MAP4K3: variants seen among roughly 807,000 people sequenced by gnomAD.
The protein encoded by MAP4K3 is MAPK/ERK kinase kinase kinase 3.
Under a neutral mutation model 143.5 loss-of-function variants are expected in MAP4K3, and 94 were observed. That is an observed-to-expected ratio of 0.65 (90% confidence interval 0.55 to 0.78). The LOEUF (loss-of-function observed/expected upper bound fraction) is 0.78. Ranked by LOEUF, MAP4K3 falls within the 30% of genes least tolerant of loss-of-function variation. MAP4K3 has a pLI of 0.00. For synonymous variants in MAP4K3, 416 were observed against 347.2 expected (o/e 1.20, Z -2.20); for missense variants, 1,077 against 1,068.1 (o/e 1.01, Z -0.12).
chr2:39,343,507 G>T, intron 3 of MAP4K3, 55 bp from the exon 4 acceptor site: 2 of 1,407,226 alleles, frequency 1.4e-6, no homozygotes, highest in Non-Finnish European at 2.0e-6. Context: ...CTGTCTGTGT[G>T]AGGTAACAAG....
chr2:39,291,606 C>A (rs561649624), intron 18 of MAP4K3, among the ~76,000 whole-genome samples: 290 of 152,296 alleles, frequency 1.9e-3, no homozygotes, highest in African/African-American at 6.6e-3. Context: ...CAGAAAGAGG[C>A]TGGTCACAGT....
intron 32 of MAP4K3, among the ~76,000 whole-genome samples, chr2:39,252,547 T>C (rs963997649): frequency 3.3e-5 from 5 of 152,142 alleles, no homozygotes; most frequent in African/African-American, 1.2e-4. Context: ...CATATATCCT[T>C]CAAGAAGTCC....
At chr2:39,408,685 C>T (rs950392977) in intron 1 of MAP4K3, among the ~76,000 whole-genome samples, 1 of 148,920 alleles carries the variant, frequency 6.7e-6, no homozygotes, top group Non-Finnish European at 1.5e-5. Context: ...TGAAGGGTTT[C>T]GAGATATGGA....
At chr2:39,265,978 C>T (rs562926511) in intron 27 of MAP4K3, among the ~76,000 whole-genome samples, 1 of 152,078 alleles carries the variant, frequency 6.6e-6, no homozygotes, top group African/African-American at 2.4e-5. Flanking sequence ...AGGGGAACAG[C>T]AGTAAAGTTC....
At chr2:39,297,277 C>T (rs1682320958) in intron 16 of MAP4K3, among the ~76,000 whole-genome samples, 1 of 151,992 alleles carries the variant, frequency 6.6e-6, no homozygotes, top group African/African-American at 2.4e-5. Flanking sequence ...GCCACCATGT[C>T]CAGCTAATTT....
chr2:39,359,936 G>A (rs959495751), intron 2 of MAP4K3, among the ~76,000 whole-genome samples: 3 of 152,238 alleles, frequency 2.0e-5, no homozygotes, highest in African/African-American at 7.2e-5. Flanking sequence ...GGGAGGGGTT[G>A]CTGCAAAAGT....
intron 24 of MAP4K3, 145 bp downstream of exon 24, chr2:39,278,262 G>C: frequency 1.9e-6 from 1 of 524,442 alleles, no homozygotes; most frequent in Non-Finnish European, 3.4e-6. Context: ...ACAAGAGTGA[G>C]ACTTGGTCTC....
intron 3 of MAP4K3, among the ~76,000 whole-genome samples, chr2:39,355,961 G>A (rs1394947629): frequency 6.6e-6 from 1 of 152,206 alleles, no homozygotes; most frequent in East Asian, 1.9e-4. Flanking sequence ...AGGGGCAAGA[G>A]AATGGCATAT....
intron 22 of MAP4K3, 70 bp from the exon 23 acceptor site, chr2:39,280,426 A>G: frequency 1.2e-6 from 1 of 841,004 alleles, no homozygotes; most frequent in South Asian, 1.9e-5. Flanking sequence ...AAATGTAACT[A>G]TTATCTATTT....
intron 1 of MAP4K3, among the ~76,000 whole-genome samples, chr2:39,402,643 A>G (rs1041059933): frequency 2.6e-5 from 4 of 152,110 alleles, no homozygotes; most frequent in Non-Finnish European, 5.9e-5. Flanking sequence ...AGAAAATAAG[A>G]TCAGAGTGTA....
intron 1 of MAP4K3, 168 bp downstream of exon 1, chr2:39,436,724 G>A (rs1665495706): frequency 3.3e-6 from 2 of 613,392 alleles, no homozygotes; most frequent in Non-Finnish European, 5.8e-6. Context: ...TAAACATTCG[G>A]CCCTTTGTTC....
intron 1 of MAP4K3, among the ~76,000 whole-genome samples, chr2:39,391,852 C>A (rs1035642386): frequency 6.6e-6 from 1 of 151,944 alleles, no homozygotes; most frequent in Non-Finnish European, 1.5e-5. Context: ...CTCGTAATCT[C>A]GCTGGTACAA....
At chr2:39,395,531 T>C (rs1179432495) in intron 1 of MAP4K3, among the ~76,000 whole-genome samples, 1 of 152,196 alleles carries the variant, frequency 6.6e-6, no homozygotes, top group Non-Finnish European at 1.5e-5. Flanking sequence ...AACTATCAGC[T>C]CCCTTTCTCA....
At chr2:39,364,205 T>C (rs1181689986) in intron 2 of MAP4K3, among the ~76,000 whole-genome samples, 1 of 152,108 alleles carries the variant, frequency 6.6e-6, no homozygotes, top group African/African-American at 2.4e-5. Context: ...CAAAGAGACA[T>C]TTGCACTCCA....
chr2:39,250,494 C>T lies in MAP4K3; in HGVS notation c.*124G>A. ...AAATTTTCCCCATCTTATCTCATGCCACAATAAATTACAAAGTAACTGAAG... is the reference window on the plus strand; with the variant it reads ...AAATTTTCCCCATCTTATCTCATGCTACAATAAATTACAAAGTAACTGAAG... On this transcript the variant is annotated 3_prime_UTR_variant, in exon 34 of 34. Coordinates refer to ENST00000263881, the MANE Select transcript of MAP4K3 (RefSeq NM_003618.4). 4.4e-6 allele frequency: 4 copies of T among 903,208 alleles called. No individual in the cohort carries two copies. The highest frequency in any genetic ancestry group is 6.6e-6 in the Non-Finnish European group (4 of 610,052). 55.9% of individuals were successfully genotyped at this position (903,208 alleles called of 1,614,324 possible).
intron 22 of MAP4K3, among the ~76,000 whole-genome samples, chr2:39,282,003 G>C (rs1681553872): frequency 6.6e-6 from 1 of 151,936 alleles, no homozygotes; most frequent in Non-Finnish European, 1.5e-5. Context: ...AGACCAGCCT[G>C]GCCAATATGG....
intron 1 of MAP4K3, among the ~76,000 whole-genome samples, chr2:39,416,456 A>G (rs1199401822): frequency 6.6e-6 from 1 of 152,194 alleles, no homozygotes; most frequent in Non-Finnish European, 1.5e-5. Flanking sequence ...TGCTTCTACC[A>G]GAAGGAAAAA....
intron 2 of MAP4K3, among the ~76,000 whole-genome samples, chr2:39,357,651 C>G (rs1248810211): frequency 6.6e-6 from 1 of 152,174 alleles, no homozygotes; most frequent in East Asian, 1.9e-4. Flanking sequence ...AATTTTTAGG[C>G]TTTCAAAAAT....
chr2:39,353,294 T>C (rs1157428802), intron 3 of MAP4K3, among the ~76,000 whole-genome samples: 6 of 152,198 alleles, frequency 3.9e-5, no homozygotes, highest in Admixed American at 1.3e-4. Flanking sequence ...TGGCTGAGCC[T>C]GAACTTCAAT....
Sources: gnomAD v4.1 joint callset for allele counts (sites outside exome capture counted in the v4.1 genomes callset) on GRCh38, gnomAD v4.1.1 for gene constraint, MANE v1.5 for transcripts, NCBI Gene and HGNC (gene_info 2026-07-23, HGNC 2026-07-21) for gene names.